Variants in SWT1 observed in about 807,000 individuals in gnomAD.
The protein encoded by SWT1 is SWT1 RNA endoribonuclease homolog.
In SWT1, 33 loss-of-function variants were observed where a neutral mutation model predicts 107.3. The observed-to-expected ratio is 0.31, with a 90% confidence interval of 0.23 to 0.41. SWT1 has a LOEUF of 0.41. Among genes scored for constraint, SWT1 ranks in the 10% least tolerant of loss-of-function variants. The pLI is 1.00. For synonymous variants in SWT1, 345 were observed against 348.3 expected, an observed-to-expected ratio of 0.99 and a Z score of 0.11; for missense variants, 898 against 1,028.9, an observed-to-expected ratio of 0.87 and a Z score of 1.74.
intron 18 of SWT1, among the ~76,000 whole-genome samples, chr1:185,289,040 C>T (rs1404983644): frequency 6.6e-6 from 1 of 152,192 alleles, no homozygotes; most frequent in East Asian, 1.9e-4. Context: ...TGTCAACTTC[C>T]TTACCCCTCT....
intron 18 of SWT1, among the ~76,000 whole-genome samples, chr1:185,288,318 A>G (rs957344220): frequency 1.3e-5 from 2 of 152,150 alleles, no homozygotes; most frequent in African/African-American, 4.8e-5. Context: ...GGCCTTCATG[A>G]TCCTGCTGCC....
chr1:185,189,796 C>T (rs1359827291), intron 9 of SWT1, among the ~76,000 whole-genome samples: 3 of 150,188 alleles, frequency 2.0e-5, no homozygotes, highest in Admixed American at 6.6e-5. Context: ...TTTATATGTA[C>T]ATAAATATAT....
At chr1:185,158,157 T>C (rs2102277172) in intron 1 of SWT1, among the ~76,000 whole-genome samples, 1 of 152,320 alleles carries the variant, frequency 6.6e-6, no homozygotes, top group South Asian at 2.1e-4. Context: ...TCTATTTGTT[T>C]CCTACTTGTT....
At chr1:185,289,367 A>G (rs1306907535) in intron 18 of SWT1, among the ~76,000 whole-genome samples, 3 of 152,226 alleles carry the variant, frequency 2.0e-5, no homozygotes, top group Non-Finnish European at 4.4e-5. Flanking sequence ...CTGGATGCCT[A>G]ACATAGCCTT....
intron 16 of SWT1, among the ~76,000 whole-genome samples, chr1:185,256,772 T>G (rs895695807): frequency 6.6e-6 from 1 of 152,166 alleles, no homozygotes; most frequent in South Asian, 2.1e-4. Context: ...AAGCGTTCTT[T>G]TCTCAGCTCG....
At chr1:185,221,331 T>C (rs1411848407) in intron 14 of SWT1, among the ~76,000 whole-genome samples, 1 of 152,218 alleles carries the variant, frequency 6.6e-6, no homozygotes, top group Non-Finnish European at 1.5e-5. Flanking sequence ...TGCCTCCGCT[T>C]TCTTCTGTTT....
At chr1:185,208,732 C>T (rs1353892912) in intron 13 of SWT1, among the ~76,000 whole-genome samples, 3 of 145,384 alleles carry the variant, frequency 2.1e-5, no homozygotes, top group Non-Finnish European at 4.5e-5. Context: ...GTTAGATGTT[C>T]GATGAATATC....
At chr1:185,225,826 T>C (rs1053452711) in intron 15 of SWT1, among the ~76,000 whole-genome samples, 1 of 152,354 alleles carries the variant, frequency 6.6e-6, no homozygotes, top group East Asian at 1.9e-4. Context: ...TGTTATTCAT[T>C]GTAAGATTTT....
intron 14 of SWT1, among the ~76,000 whole-genome samples, chr1:185,215,070 T>G (rs1273278154): frequency 2.0e-5 from 3 of 152,232 alleles, no homozygotes; most frequent in African/African-American, 7.2e-5. Flanking sequence ...GTAATGTTGT[T>G]GTCCTTGTTT....
rs199930944 is a variant in SWT1 at position 185,174,596 on chromosome 1, G to A, written c.449G>A (p.Ser150Asn). 5.0e-6 allele frequency: 8 copies of A among 1,608,946 alleles called. No homozygotes were observed. Among genetic ancestry groups the A allele is most frequent in the Non-Finnish European group, 6.8e-6 (8 of 1,178,848 alleles). ...AGCAAGCTTGACCATGGAATTAAAA[G>A]CCTTAGTAGTCCTAAGATTGCCAGT... ...AGSKLDHGIKSLSSPKIASDV... is the reference protein window; with the variant it reads ...AGSKLDHGIKNLSSPKIASDV... The change falls in exon 5 of 19, where the codon AGC becomes AAC. Residue 150 changes from serine to asparagine, a missense_variant. Physicochemically the swap from Ser to Asn is conservative, Grantham distance 46 (BLOSUM62 1). This residue lies in a region of SWT1 where 382 missense variants were observed against 362.4 expected (regional missense o/e 1.05). Coordinates refer to ENST00000367500, the MANE Select transcript of SWT1 (RefSeq NM_017673.7).
At chr1:185,201,094 C>T (rs1467227536) in intron 10 of SWT1, among the ~76,000 whole-genome samples, 1 of 152,050 alleles carries the variant, frequency 6.6e-6, no homozygotes, top group Non-Finnish European at 1.5e-5. Flanking sequence ...GGCGGATGCC[C>T]CTCCCCCCAC....
chr1:185,249,103 AGGCTGGATC>A (rs1321571557), intron 16 of SWT1, among the ~76,000 whole-genome samples: 1 of 152,152 alleles, frequency 6.6e-6, no homozygotes, highest in Non-Finnish European at 1.5e-5. Flanking sequence ...AGACACTTAG[AGGCTGGATC>A]TCCAGCCTCT....
At chr1:185,162,852 C>T (rs1343729880) in intron 2 of SWT1, among the ~76,000 whole-genome samples, 1 of 151,718 alleles carries the variant, frequency 6.6e-6, no homozygotes, top group Non-Finnish European at 1.5e-5. Flanking sequence ...AAAATAGGCT[C>T]AGGCGGGAGG....
intron 6 of SWT1, 152 bp downstream of exon 6, chr1:185,180,602 C>A (rs745557804): frequency 1.5e-6 from 1 of 646,276 alleles, no homozygotes; most frequent in Non-Finnish European, 2.7e-6. Context: ...ATGAAGTCAT[C>A]CAAAACTATT....
chr1:185,191,658 T>C (rs1474958831), intron 10 of SWT1, among the ~76,000 whole-genome samples: 1 of 152,194 alleles, frequency 6.6e-6, no homozygotes, highest in African/African-American at 2.4e-5. Context: ...TATATTTTGA[T>C]CTAGGACATA....
intron 16 of SWT1, among the ~76,000 whole-genome samples, chr1:185,256,112 ACT>A (rs1336408200): frequency 8.0e-5 from 12 of 149,630 alleles, no homozygotes; most frequent in African/African-American, 2.9e-4. Flanking sequence ...ATTGGCCCCC[ACT>A]CTCTTCTGGC....
Position 185,190,542 on chromosome 1 carries a change from T to G in SWT1, c.1430-7T>G, listed in dbSNP as rs1255954019. On this transcript the variant is annotated splice_polypyrimidine_tract_variant and splice_region_variant and intron_variant, in intron 9 of 18. Transcript: ENST00000367500. The stretch of plus-strand genomic sequence containing the variant: ...CTTACTGACTGTTGCCTTTACTAAA[T>G]TTGCAGATGGATTGAGTGATGAGAA... 1 of 1,574,044 alleles carries G rather than the reference T, an allele frequency of 6.4e-7. No individual in the cohort carries two copies. The highest frequency in any genetic ancestry group is 8.7e-7 in the Non-Finnish European group (1 of 1,144,910).
At chr1:185,284,882 T>G (rs894676040) in intron 18 of SWT1, among the ~76,000 whole-genome samples, 1 of 151,898 alleles carries the variant, frequency 6.6e-6, no homozygotes, top group Non-Finnish European at 1.5e-5. Context: ...ATTCCTCAGA[T>G]AAGTGTCTTT....
intron 13 of SWT1, among the ~76,000 whole-genome samples, chr1:185,207,408 C>T (rs149890966): frequency 1.6e-4 from 24 of 152,230 alleles, no homozygotes; most frequent in African/African-American, 5.8e-4. Flanking sequence ...CCCTCAACCC[C>T]AACTTTAGCC....
Sources: gnomAD v4.1 joint callset for allele counts (sites outside exome capture counted in the v4.1 genomes callset) on GRCh38, gnomAD v4.1.1 for gene constraint, gnomAD v4.1.1 regional missense constraint, MANE v1.5 for transcripts, NCBI Gene and HGNC (gene_info 2026-07-23, HGNC 2026-07-21) for gene names.